The following DGKI variants were observed in gnomAD, a reference collection of about 807,000 sequenced individuals.
DGKI encodes DAG kinase iota.
A neutral mutation model predicts 147.5 loss-of-function variants in DGKI; 55 were observed. That is an observed-to-expected ratio of 0.37 (90% CI 0.30 to 0.47). The LOEUF is 0.47. Ranked by LOEUF, DGKI falls within the 20% of genes least tolerant of loss-of-function variation. The pLI, the probability that DGKI is intolerant of heterozygous loss-of-function variation, is 1.00. For synonymous variants in DGKI, 469 were observed against 477.1 expected, an observed-to-expected ratio of 0.98 and a Z score of 0.22; for missense variants, 1,007 against 1,323.8, an observed-to-expected ratio of 0.76 and a Z score of 3.71.
intron 1 of DGKI, among the ~76,000 whole-genome samples, chr7:137,717,904 C>G (rs1213091871): frequency 6.6e-6 from 1 of 152,158 alleles, no homozygotes; most frequent in African/African-American, 2.4e-5. Context: ...ATTTAAACTT[C>G]CTTTTAGAAT....
intron 6 of DGKI, among the ~76,000 whole-genome samples, chr7:137,636,445 C>T (rs1417012924): frequency 2.6e-5 from 4 of 152,140 alleles, no homozygotes; most frequent in South Asian, 2.1e-4. Context: ...TAAAAATGTA[C>T]GATACAAAAC....
At chr7:137,406,147 A>G (rs1054155201) in intron 30 of DGKI, among the ~76,000 whole-genome samples, 4 of 151,680 alleles carry the variant, frequency 2.6e-5, no homozygotes, top group African/African-American at 9.7e-5. Flanking sequence ...TAAACTAAAG[A>G]GAGTAGATTG....
Position 137,802,883 on chromosome 7 carries a change from T to C in DGKI, c.401+43579A>G, listed in dbSNP as rs571092011. On this transcript the variant is annotated intron_variant, in intron 1 of 32. Coordinates refer to ENST00000614521, the MANE Select transcript of DGKI (RefSeq NM_001321708.2). ...ACTAATACCTACTGATGTTCATTAA[T>C]ACAATTCATGAAGCACTATGCCAAA... Among the ~76,000 whole-genome samples, 64 of 152,278 alleles carry C rather than the reference T, an allele frequency of 4.2e-4. No homozygotes were observed. The South Asian group carries it at 0.013, about 32-fold the overall frequency.
Position 137,780,235 on chromosome 7 carries a change from C to G in DGKI, c.401+66227G>C, listed in dbSNP as rs577771808. On this transcript the variant is annotated intron_variant, in intron 1 of 32. Coordinates refer to ENST00000614521, the MANE Select transcript of DGKI (RefSeq NM_001321708.2). ...TTAAACAACTAAGGGTTTCTAAGTA[C>G]CATTTCTTAAGACTAAAGATAAATT... is the stretch of plus-strand genomic sequence containing the variant. Among the ~76,000 whole-genome samples, 3 of 152,224 alleles carry G rather than the reference C, an allele frequency of 2.0e-5. No homozygotes were observed. In the South Asian group the frequency reaches 6.2e-4, roughly 32 times the overall value.
In DGKI at chr7:137,788,657, CACACACAT is replaced by C. The variant is rs1212875384; in HGVS notation, c.401+57797_401+57804del. 2.6e-3 allele frequency among the ~76,000 whole-genome samples: 163 copies of C among 62,518 alleles called. 1 individual carries two copies. Among genetic ancestry groups the C allele is most frequent in the African/African-American group, 0.013 (144 of 10,900 alleles). 41.0% of individuals were successfully genotyped at this position (62,518 alleles called of 152,430 possible). A position where few individuals can be genotyped will look rare whatever the true frequency, so the allele number is the denominator to read the frequency against. On this transcript the variant is annotated intron_variant, in intron 1 of 32. Coordinates refer to ENST00000614521, the MANE Select transcript of DGKI (RefSeq NM_001321708.2). ...AAATACACACACACACACACACACA[CACACACAT>C]ACACACACACACACACCTCCATCCC...
intron 27 of DGKI, among the ~76,000 whole-genome samples, chr7:137,453,897 C>T (rs1383473536): frequency 6.6e-6 from 1 of 151,808 alleles, no homozygotes; most frequent in East Asian, 1.9e-4. Context: ...TTGATGACCC[C>T]CATGTGAGCT....
At chr7:137,446,687 T>C (rs1918838) in intron 27 of DGKI, among the ~76,000 whole-genome samples, 67,809 of 151,600 alleles carry the variant, frequency 0.45, 16,203 homozygotes, top group Non-Finnish European at 0.53. Context: ...GACCGCGCCA[T>C]TGCACTCCAG....
chr7:137,771,847 C>G (rs1017960790), intron 1 of DGKI: 2 of 152,142 alleles, frequency 1.3e-5, no homozygotes, highest in Non-Finnish European at 2.9e-5. Context: ...CCAACTCGAA[C>G]TGGGAAATAC....
intron 27 of DGKI, chr7:137,453,013 T>C (rs1480542344): frequency 6.6e-6 from 1 of 152,222 alleles, no homozygotes; most frequent in African/African-American, 2.4e-5. Flanking sequence ...TGAAAACCGA[T>C]TTCCCAGTTG....
intron 1 of DGKI, chr7:137,771,541 A>G (rs749762851): frequency 1.3e-5 from 2 of 152,230 alleles, no homozygotes; most frequent in Non-Finnish European, 2.9e-5. Flanking sequence ...GTACACATCT[A>G]AGTAAATTCT....
In DGKI at chr7:137,545,929, T is replaced by C. The variant is rs1052373982; in HGVS notation, c.2147+6440A>G. 2.1e-5 allele frequency: 15 copies of C among 702,258 alleles called. 1 individual carries two copies. Among genetic ancestry groups the C allele is most frequent in the Middle Eastern group, 2.3e-4 (1 of 4,390 alleles). The allele number at this position is 702,258 out of a possible 1,614,324, so 43.5% of individuals were successfully genotyped here. ...TGAAGGAGCCGGGGGGAGCAGACAC[T>C]CGCCGCAGGTCCGCAGTTTGCACCT... On this transcript the variant is annotated intron_variant, in intron 20 of 32. Coordinates refer to ENST00000614521, the MANE Select transcript of DGKI (RefSeq NM_001321708.2).
chr7:137,750,970 C>CT (rs1320325184), intron 1 of DGKI, among the ~76,000 whole-genome samples: 3 of 152,144 alleles, frequency 2.0e-5, no homozygotes, highest in Admixed American at 2.0e-4. Context: ...CTCTCGGCCC[C>CT]CGTCTTTTCA....
At chr7:137,638,613 C>CATATATGTATATGTGTGTATGTAT (rs1554446609) in intron 6 of DGKI, among the ~76,000 whole-genome samples, 1 of 15,746 alleles carries the variant, frequency 6.4e-5, no homozygotes, top group Admixed American at 1.1e-3. Context: ...TATATATATA[C>CATATATGTATATGTGTGTATGTAT]ACACACACAT....
chr7:137,547,296 G>A (rs1817897149), intron 20 of DGKI, among the ~76,000 whole-genome samples: 1 of 152,172 alleles, frequency 6.6e-6, no homozygotes, highest in African/African-American at 2.4e-5. Flanking sequence ...TGAACACAGT[G>A]GGACCTAGCT....
chr7:137,533,211 C>T (rs1046221186), intron 20 of DGKI, among the ~76,000 whole-genome samples: 2 of 152,012 alleles, frequency 1.3e-5, no homozygotes, highest in African/African-American at 4.8e-5. Context: ...ATCACTTGAA[C>T]TCAGGAGTTC....
chr7:137,821,778 T>C (rs1797909474), intron 1 of DGKI, among the ~76,000 whole-genome samples: 1 of 151,890 alleles, frequency 6.6e-6, no homozygotes, highest in Non-Finnish European at 1.5e-5. Context: ...AGAAATTAAA[T>C]GTGTTAAGAA....
chr7:137,780,336 T>G (rs1796483081), intron 1 of DGKI, among the ~76,000 whole-genome samples: 1 of 152,214 alleles, frequency 6.6e-6, no homozygotes, highest in Admixed American at 6.5e-5. Flanking sequence ...CTTGTAATAC[T>G]TTGATCAGAG....
Position 137,437,915 on chromosome 7 carries a change from C to T in DGKI, c.2761+6162G>A, listed in dbSNP as rs750169057. Among the ~76,000 whole-genome samples, 39 of 152,152 alleles carry T rather than the reference C, an allele frequency of 2.6e-4. No individual in the cohort carries two copies. In the Middle Eastern group the frequency reaches 0.01, roughly 40 times the overall value. On this transcript the variant is annotated intron_variant, in intron 28 of 32. Transcript: ENST00000614521. ...TGAACAGAATCAAAATTAAATTTGA[C>T]CTTTATCTCTTACCAAACCACAAAA...
chr7:137,774,632 C>T (rs1796308565), intron 1 of DGKI: 1 of 152,174 alleles, frequency 6.6e-6, no homozygotes, highest in South Asian at 2.1e-4. Flanking sequence ...TTCCAGCGGT[C>T]CCACATTCTG....
Sources: allele counts gnomAD v4.1 joint callset (sites outside exome capture counted in the v4.1 genomes callset), GRCh38; gene constraint gnomAD v4.1.1; transcripts MANE v1.5; gene names NCBI Gene and HGNC (gene_info 2026-07-23, HGNC 2026-07-21).